TRHDE: variants seen among roughly 807,000 people sequenced by gnomAD.
The protein encoded by TRHDE is thyrotropin releasing hormone degrading enzyme, also known as thyrotropin-releasing hormone-degrading ectoenzyme.
A neutral mutation model predicts 125.7 loss-of-function variants in TRHDE; 72 were observed. That is an observed-to-expected ratio of 0.57 (90% confidence interval 0.47 to 0.70). The LOEUF (loss-of-function observed/expected upper bound fraction) is 0.70, where lower values mean the gene tolerates loss of function less well. Ranked by LOEUF, TRHDE falls within the 30% of genes least tolerant of loss-of-function variation. TRHDE has a pLI of 0.00. For missense variants in TRHDE, 1,110 were observed against 1,327.1 expected, an observed-to-expected ratio of 0.84 and a Z score of 2.54; for synonymous variants, 509 against 509.1, an observed-to-expected ratio of 1.00 and a Z score of 0.00.
chr12:72,150,032 G>T (rs1876322057), intron 2 of TRHDE, among the ~76,000 whole-genome samples: 1 of 152,018 alleles, frequency 6.6e-6, no homozygotes, highest in African/African-American at 2.4e-5. Flanking sequence ...ATTTTTAATG[G>T]GTGTTTTCTA....
At chr12:72,222,223 A>C (rs1017634295) in intron 2 of TRHDE, among the ~76,000 whole-genome samples, 1 of 152,100 alleles carries the variant, frequency 6.6e-6, no homozygotes, top group East Asian at 1.9e-4. Context: ...TGCTTTTCTG[A>C]TGGAAGGGTT....
chr12:72,102,483 C>T (rs1055787622), intron 1 of TRHDE, among the ~76,000 whole-genome samples: 5 of 152,196 alleles, frequency 3.3e-5, no homozygotes, highest in African/African-American at 1.2e-4. Flanking sequence ...TGCTGGGCCA[C>T]CTGATTCCAT....
intron 3 of TRHDE, among the ~76,000 whole-genome samples, chr12:72,400,585 G>T (rs1462687989): frequency 6.6e-6 from 1 of 152,126 alleles, no homozygotes; most frequent in Non-Finnish European, 1.5e-5. Context: ...GATACTGGCA[G>T]AAATACCTTT....
At chr12:72,326,121 G>A (rs966753567) in intron 2 of TRHDE, among the ~76,000 whole-genome samples, 8 of 152,038 alleles carry the variant, frequency 5.3e-5, no homozygotes, top group African/African-American at 1.7e-4. Flanking sequence ...GAAAAAAATA[G>A]TCTTTATTAT....
chr12:72,644,778 C>T (rs550678301), intron 15 of TRHDE, among the ~76,000 whole-genome samples: 32 of 152,314 alleles, frequency 2.1e-4, no homozygotes, highest in Middle Eastern at 3.4e-3. Flanking sequence ...TCAAACTTCT[C>T]TGGGGCACCC....
chr12:72,530,416 C>CTTTTTTTTTTT (rs71438816), intron 6 of TRHDE, among the ~76,000 whole-genome samples: 41 of 68,492 alleles, frequency 6.0e-4, no homozygotes, highest in Middle Eastern at 0.012. Flanking sequence ...TTCCTAGAAG[C>CTTTTTTTTTTT]TTTTTTTTTT....
At chr12:72,243,858 C>A (rs556777203) in intron 2 of TRHDE, among the ~76,000 whole-genome samples, 9 of 152,232 alleles carry the variant, frequency 5.9e-5, no homozygotes, top group South Asian at 2.1e-4. Context: ...TATGACAGAC[C>A]TGAAGCCTGG....
chr12:72,225,163 A>C (rs532471189), intron 2 of TRHDE, among the ~76,000 whole-genome samples: 1 of 152,290 alleles, frequency 6.6e-6, no homozygotes, highest in Non-Finnish European at 1.5e-5. Context: ...ACTGTCAGGA[A>C]ATGTTCTCTA....
At chr12:72,101,246 A>ACCAAATC (rs1875060310) in intron 1 of TRHDE, among the ~76,000 whole-genome samples, 1 of 152,228 alleles carries the variant, frequency 6.6e-6, no homozygotes, top group Non-Finnish European at 1.5e-5. Context: ...AACAGCCAAT[A>ACCAAATC]AATGTTTACA....
chr12:72,261,319 C>T (rs533475456), intron 2 of TRHDE, among the ~76,000 whole-genome samples: 1 of 152,226 alleles, frequency 6.6e-6, no homozygotes, highest in South Asian at 2.1e-4. Flanking sequence ...TTTAGACTAG[C>T]TTTTGAGTAA....
At chr12:72,277,498 G>A (rs1188953604) in intron 1 of TRHDE, among the ~76,000 whole-genome samples, 1 of 152,122 alleles carries the variant, frequency 6.6e-6, no homozygotes, top group African/African-American at 2.4e-5. Flanking sequence ...ATAGAGGACT[G>A]TGAACTGAAA....
chr12:72,224,944 G>T (rs1215222202), intron 2 of TRHDE, among the ~76,000 whole-genome samples: 1 of 151,968 alleles, frequency 6.6e-6, no homozygotes, highest in Non-Finnish European at 1.5e-5. Flanking sequence ...TTTAATTCCA[G>T]TGTTTATTCT....
chr12:72,313,583 G>GA (rs1187313657), intron 2 of TRHDE, among the ~76,000 whole-genome samples: 1 of 151,960 alleles, frequency 6.6e-6, no homozygotes, highest in Admixed American at 6.6e-5. Context: ...TTTTATCATG[G>GA]AAAAAATGTT....
intron 1 of TRHDE, among the ~76,000 whole-genome samples, chr12:72,100,885 T>A (rs1468793330): frequency 6.6e-6 from 1 of 152,206 alleles, no homozygotes; most frequent in East Asian, 1.9e-4. Flanking sequence ...ACAAGATCCC[T>A]CATACTTTCC....
chr12:72,353,974 G>A (rs117842219), intron 2 of TRHDE, among the ~76,000 whole-genome samples: 2,135 of 151,630 alleles, frequency 0.014, 17 homozygotes, highest in Middle Eastern at 0.044. Flanking sequence ...ACATGGAGAC[G>A]TGCACTTGGA....
chr12:72,613,679 G>A (rs1038756252), intron 12 of TRHDE, among the ~76,000 whole-genome samples: 18 of 152,088 alleles, frequency 1.2e-4, no homozygotes, highest in East Asian at 5.8e-4. Flanking sequence ...TAATTATTAC[G>A]AATAGAGGTG....
At chr12:72,650,796 C>T (rs1237153003) in intron 15 of TRHDE, among the ~76,000 whole-genome samples, 3 of 152,060 alleles carry the variant, frequency 2.0e-5, no homozygotes, top group African/African-American at 4.8e-5. Flanking sequence ...AAGACCCACT[C>T]TGTTTTATAG....
chr12:72,636,217 A>G (rs1318643151), intron 15 of TRHDE, among the ~76,000 whole-genome samples: 2 of 151,994 alleles, frequency 1.3e-5, no homozygotes, highest in East Asian at 3.9e-4. Flanking sequence ...GAGGTCCTTC[A>G]GATCCCTTGT....
chr12:72,593,074 T>C (rs1378191988), intron 12 of TRHDE, among the ~76,000 whole-genome samples: 1 of 152,110 alleles, frequency 6.6e-6, no homozygotes, highest in Non-Finnish European at 1.5e-5. Flanking sequence ...GAAAAGTGAG[T>C]AGAGTTGAGG....
Sources: allele counts gnomAD v4.1 joint callset (sites outside exome capture counted in the v4.1 genomes callset), GRCh38; gene constraint gnomAD v4.1.1; transcripts MANE v1.5; gene names NCBI Gene and HGNC (gene_info 2026-07-23, HGNC 2026-07-21).